The following SKI variants were observed in gnomAD, a reference collection of about 807,000 sequenced individuals.
SKI encodes SKI proto-oncogene.
Under a neutral mutation model 59.3 loss-of-function variants are expected in SKI, and 23 were observed. The ratio of observed to expected loss-of-function variants is 0.39; its 90% confidence interval spans 0.28 to 0.55. The LOEUF (loss-of-function observed/expected upper bound fraction) is 0.55, where lower values mean the gene tolerates loss of function less well. Ranked by LOEUF, SKI falls within the 20% of genes least tolerant of loss-of-function variation. The pLI is 0.67. For synonymous variants in SKI, 673 were observed against 488.6 expected, an observed-to-expected ratio of 1.38 and a Z score of -4.98; for missense variants, 1,017 against 1,038.9, an observed-to-expected ratio of 0.98 and a Z score of 0.29.
At position 2,270,456 on chromosome 1, in the gene SKI, C is replaced by G. The variant is rs556872554; in HGVS notation, c.970-32522C>G. Among the ~76,000 whole-genome samples, 2 of 152,148 alleles carry G rather than the reference C, an allele frequency of 1.3e-5. No individual in the cohort carries two copies. Among genetic ancestry groups the G allele is most frequent in the African/African-American group, 4.8e-5 (2 of 41,438 alleles). ...TGGCCACAGGGCCTGGGCTTTGTCC[C>G]GTTTACGAGAGGTCAGGCGGTCACA... is the stretch of plus-strand genomic sequence containing the variant. On this transcript the variant is annotated intron_variant, in intron 1 of 6. Coordinates refer to ENST00000378536, the MANE Select transcript of SKI (RefSeq NM_003036.4). This position sits in a 1 kb window ranked among gnomAD's most constrained non-coding sequence, Gnocchi z 4.1.
chr1:2,309,602 G>T lies in SKI; in HGVS notation c.*2837G>T, dbSNP rs1450757160. On this transcript the variant is annotated 3_prime_UTR_variant, in exon 7 of 7. Coordinates refer to ENST00000378536, the MANE Select transcript of SKI (RefSeq NM_003036.4). ...AATGCTTTCCTGCCGGGGGGCAGGGGAGACGGAGAAACCCATGTGCGTTTC... is the reference window on the plus strand; with the variant it reads ...AATGCTTTCCTGCCGGGGGGCAGGGTAGACGGAGAAACCCATGTGCGTTTC... The T allele has an allele frequency of 6.6e-6, 1 of 152,082 alleles. No individual in the cohort carries two copies. Among genetic ancestry groups the T allele is most frequent in the South Asian group, 2.1e-4 (1 of 4,826 alleles). 9.4% of individuals were successfully genotyped at this position (152,082 alleles called of 1,614,324 possible).
rs1307795717 is a variant in SKI, at chr1:2,267,796, A to G, written c.970-35182A>G. Among the ~76,000 whole-genome samples, 1 of 152,192 alleles carries G rather than the reference A, an allele frequency of 6.6e-6. No individual in the cohort carries two copies. The highest frequency in any genetic ancestry group is 1.5e-5 in the Non-Finnish European group (1 of 68,016). On this transcript the variant is annotated intron_variant, in intron 1 of 6. Transcript: ENST00000378536. This position sits in a 1 kb window ranked among gnomAD's most constrained non-coding sequence, Gnocchi z 4.1. Reference sequence around the variant, plus strand: ...CCAGACTGTCCCAGGACACGGGTCCACGGTCACACGGTCTCCAAATGAGCA... The same window carrying G: ...CCAGACTGTCCCAGGACACGGGTCCGCGGTCACACGGTCTCCAAATGAGCA...
chr1:2,299,176 A>T (rs1395026802), intron 1 of SKI, among the ~76,000 whole-genome samples: 1 of 152,226 alleles, frequency 6.6e-6, no homozygotes, highest in Non-Finnish European at 1.5e-5. Flanking sequence ...GAGCCCCGTC[A>T]TTCAGCTTCA....
At chr1:2,263,528 C>T (rs574189383) in intron 1 of SKI, among the ~76,000 whole-genome samples, 3 of 151,486 alleles carry the variant, frequency 2.0e-5, no homozygotes, top group South Asian at 4.2e-4. Flanking sequence ...TGAGCCACTG[C>T]GCCTGCCAAG....
At chr1:2,237,684 A>T (rs1404057758) in intron 1 of SKI, among the ~76,000 whole-genome samples, 1 of 152,228 alleles carries the variant, frequency 6.6e-6, no homozygotes, top group Non-Finnish European at 1.5e-5. Context: ...TATGGAGCAG[A>T]TGTATCTTTG....
intron 1 of SKI, among the ~76,000 whole-genome samples, chr1:2,261,538 A>G (rs769759729): frequency 2.1e-4 from 32 of 152,206 alleles, no homozygotes; most frequent in Non-Finnish European, 4.1e-4. Flanking sequence ...ATATATTTTA[A>G]AAATTCGATT....
intron 1 of SKI, among the ~76,000 whole-genome samples, chr1:2,233,663 C>G (rs1638692341): frequency 6.6e-6 from 1 of 152,134 alleles, no homozygotes; most frequent in African/African-American, 2.4e-5. Flanking sequence ...GGCAGCGTTT[C>G]TTCAGGCAGG....
chr1:2,245,788 CTTTTT>C (rs766445644), intron 1 of SKI, among the ~76,000 whole-genome samples: 82 of 70,376 alleles, frequency 1.2e-3, no homozygotes, highest in African/African-American at 4.6e-3. Flanking sequence ...ATTTTTCCTT[CTTTTT>C]TTTTTTTTTT....
At chr1:2,243,956 T>TTTTCTTTCTTTCTTTC (rs372786242) in intron 1 of SKI, among the ~76,000 whole-genome samples, 1 of 151,638 alleles carries the variant, frequency 6.6e-6, no homozygotes, top group Non-Finnish European at 1.5e-5. Flanking sequence ...TTACCCAAAC[T>TTTTCTTTCTTTCTTTC]TTTCTTTCTT....
At position 2,269,762 on chromosome 1, in the gene SKI, A is replaced by G. The variant is rs1435199302; in HGVS notation, c.970-33216A>G. Reference sequence around the variant, plus strand: ...GGAGGCTGCTTCAGGGCTCTGGACCAGAGCAGTGTGTGGCTGGTGGTACCT... The same window carrying G: ...GGAGGCTGCTTCAGGGCTCTGGACCGGAGCAGTGTGTGGCTGGTGGTACCT... On this transcript the variant is annotated intron_variant, in intron 1 of 6. Coordinates refer to ENST00000378536, the MANE Select transcript of SKI (RefSeq NM_003036.4). This position sits in a 1 kb window ranked among gnomAD's most constrained non-coding sequence, Gnocchi z 4.7. 6.6e-6 allele frequency among the ~76,000 whole-genome samples: 1 copy of G among 151,664 alleles called. No individual in the cohort carries two copies. Among genetic ancestry groups the G allele is most frequent in the East Asian group, 1.9e-4 (1 of 5,136 alleles).
chr1:2,282,438 T>C (rs112608420), intron 1 of SKI, among the ~76,000 whole-genome samples: 5 of 92,048 alleles, frequency 5.4e-5, no homozygotes, highest in East Asian at 3.7e-4. Flanking sequence ...AGACAGGCGG[T>C]GGCGGAGATC....
At chr1:2,249,706 CT>C (rs1639080918) in intron 1 of SKI, among the ~76,000 whole-genome samples, 1 of 152,240 alleles carries the variant, frequency 6.6e-6, no homozygotes, top group African/African-American at 2.4e-5. Context: ...CTCCAACCGA[CT>C]CACTGGCCGC....
At position 2,270,281 on chromosome 1, in the gene SKI, C is replaced by T. The variant is rs531247902; in HGVS notation, c.970-32697C>T. On this transcript the variant is annotated intron_variant, in intron 1 of 6. Coordinates refer to ENST00000378536, the MANE Select transcript of SKI (RefSeq NM_003036.4). This position sits in a 1 kb window ranked among gnomAD's most constrained non-coding sequence, Gnocchi z 4.1. ...CTGGACCTGCTGCGTGTTATCCTCC[C>T]TGCGGGCCTGGCATGGGAGTAGGGG... Among the ~76,000 whole-genome samples the T allele has an allele frequency of 1.3e-5, 2 of 152,312 alleles. No individual in the cohort carries two copies. Among genetic ancestry groups the T allele is most frequent in the South Asian group, 4.1e-4 (2 of 4,826 alleles).
At position 2,270,268 on chromosome 1, in the gene SKI, C is replaced by T. The variant is rs545587690; in HGVS notation, c.970-32710C>T. On this transcript the variant is annotated intron_variant, in intron 1 of 6. Transcript: ENST00000378536. The surrounding 1 kb of genome is among the most constrained non-coding windows in gnomAD (Gnocchi z 4.1). ...TCTGGGTTCGGTCCTGGACCTGCTGCGTGTTATCCTCCCTGCGGGCCTGGC... is the reference window on the plus strand; with the variant it reads ...TCTGGGTTCGGTCCTGGACCTGCTGTGTGTTATCCTCCCTGCGGGCCTGGC... Among the ~76,000 whole-genome samples the T allele has an allele frequency of 2.0e-5, 3 of 152,310 alleles. No individual in the cohort carries two copies. The highest frequency in any genetic ancestry group is 2.1e-4 in the South Asian group (1 of 4,822).
At chr1:2,302,631 C>T (rs1343564431) in intron 1 of SKI, among the ~76,000 whole-genome samples, 1 of 152,158 alleles carries the variant, frequency 6.6e-6, no homozygotes, top group African/African-American at 2.4e-5. Flanking sequence ...CCTGGCCAGG[C>T]TGAGCCGCTG....
chr1:2,261,385 G>A (rs1639382961), intron 1 of SKI, among the ~76,000 whole-genome samples: 1 of 152,066 alleles, frequency 6.6e-6, no homozygotes, highest in Non-Finnish European at 1.5e-5. Flanking sequence ...TTAACAATCG[G>A]GAGTTTTCCG....
chr1:2,253,488 C>G (rs1055839378), intron 1 of SKI, among the ~76,000 whole-genome samples: 1 of 152,228 alleles, frequency 6.6e-6, no homozygotes, highest in Non-Finnish European at 1.5e-5. Context: ...TGGACACACA[C>G]TTGGAGGAAT....
rs368739670 is a variant in SKI, at chr1:2,303,922, A to G, written c.1294A>G (p.Ser432Gly). The G allele has an allele frequency of 5.0e-5, 81 of 1,611,942 alleles. No individual in the cohort carries two copies. The highest frequency in any genetic ancestry group is 6.9e-5 in the Non-Finnish European group (81 of 1,179,706). Residue 432 changes from serine to glycine, a missense_variant, in exon 4 of 7, where the codon AGC (serine) becomes GGC (glycine). Physicochemically the swap from Ser to Gly is moderately conservative, Grantham distance 56 (BLOSUM62 0). Transcript: ENST00000378536. This position sits in a 1 kb window ranked among gnomAD's most constrained non-coding sequence, Gnocchi z 5.6. Reference protein sequence around the residue: ...APPAQQKVVSSPPCAAAVSRA... With the variant: ...APPAQQKVVSGPPCAAAVSRA... ...GCCGGCCCAGCAGAAGGTTGTGAGCAGCCCTCCGTGTGCCGCCGCCGTCTC... is the reference window on the plus strand; with the variant it reads ...GCCGGCCCAGCAGAAGGTTGTGAGCGGCCCTCCGTGTGCCGCCGCCGTCTC...
At chr1:2,278,381 G>T (rs1202321412) in intron 1 of SKI, among the ~76,000 whole-genome samples, 2 of 152,230 alleles carry the variant, frequency 1.3e-5, no homozygotes, top group Admixed American at 1.3e-4. Flanking sequence ...TATCAGGGCA[G>T]TGGTGAAACT....
Sources: gnomAD v4.1 joint callset for allele counts (sites outside exome capture counted in the v4.1 genomes callset) on GRCh38, gnomAD v4.1.1 for gene constraint, Gnocchi (gnomAD v3.1) non-coding constraint, MANE v1.5 for transcripts, NCBI Gene and HGNC (gene_info 2026-07-23, HGNC 2026-07-21) for gene names.